The following RBFOX2 variants were observed in gnomAD, a reference collection of about 807,000 sequenced individuals.
RBFOX2 encodes RNA binding protein fox-1 homolog 2.
RBFOX2 carries 10 observed loss-of-function variants against 49.1 expected under a neutral mutation model. That is an observed-to-expected ratio of 0.20 (90% confidence interval 0.13 to 0.35). The LOEUF is 0.35. Among genes scored for constraint, RBFOX2 ranks in the 10% least tolerant of loss-of-function variants. The pLI is 1.00. For synonymous variants in RBFOX2, 183 were observed against 187.4 expected (o/e 0.98, Z 0.19); for missense variants, 323 against 486.9 (o/e 0.66, Z 3.17).
intron 2 of RBFOX2, among the ~76,000 whole-genome samples, chr22:35,791,260 T>C (rs1947564207): frequency 6.6e-6 from 1 of 150,570 alleles, no homozygotes; most frequent in Non-Finnish European, 1.5e-5. Context: ...TGGCGGGTGC[T>C]TGTAATCCCA....
At chr22:35,858,180 G>A (rs1429051990) in intron 1 of RBFOX2, among the ~76,000 whole-genome samples, 1 of 152,072 alleles carries the variant, frequency 6.6e-6, no homozygotes, top group Non-Finnish European at 1.5e-5. Flanking sequence ...ACTTTCTATT[G>A]GGATACTTGA....
intron 1 of RBFOX2, among the ~76,000 whole-genome samples, chr22:36,022,790 T>C (rs1330055707): frequency 6.6e-6 from 1 of 152,050 alleles, no homozygotes; most frequent in Admixed American, 6.6e-5. Flanking sequence ...GACCACTGAC[T>C]CTCTCTCCCC....
chr22:35,763,037 A>G (rs921075442), intron 6 of RBFOX2, among the ~76,000 whole-genome samples: 3 of 152,194 alleles, frequency 2.0e-5, no homozygotes, highest in African/African-American at 7.2e-5. Flanking sequence ...ACATCAAATT[A>G]CACAAATACT....
chr22:36,001,773 A>C (rs1185036690), intron 1 of RBFOX2, among the ~76,000 whole-genome samples: 1 of 151,518 alleles, frequency 6.6e-6, no homozygotes, highest in East Asian at 1.9e-4. Context: ...AGAAAAGAAA[A>C]ACAGGCCGGG....
chr22:35,931,512 C>T (rs931982435), intron 1 of RBFOX2, among the ~76,000 whole-genome samples: 3 of 152,014 alleles, frequency 2.0e-5, no homozygotes, highest in Admixed American at 6.6e-5. Context: ...TGGAAGCTTA[C>T]GGCTGTAATC....
At chr22:35,940,038 C>T (rs779331085), upstream of RBFOX2, among the ~76,000 whole-genome samples, 1 of 152,104 alleles carries the variant, frequency 6.6e-6, no homozygotes, top group Non-Finnish European at 1.5e-5. Context: ...AGCAGAACAG[C>T]GTAAAAGAAA....
chr22:35,956,382 G>T (rs2055560800), intron 1 of RBFOX2, among the ~76,000 whole-genome samples: 1 of 150,094 alleles, frequency 6.7e-6, no homozygotes, highest in Admixed American at 6.6e-5. Flanking sequence ...TTTTAATTAA[G>T]ACAGGGTCCT....
intron 1 of RBFOX2, among the ~76,000 whole-genome samples, chr22:36,017,844 A>T (rs1035772899): frequency 6.6e-6 from 1 of 152,208 alleles, no homozygotes; most frequent in Admixed American, 6.5e-5. Flanking sequence ...TGAACACAGG[A>T]AACTAAATAT....
chr22:35,871,914 T>G (rs2044400841), intron 1 of RBFOX2, among the ~76,000 whole-genome samples: 1 of 152,180 alleles, frequency 6.6e-6, no homozygotes, highest in African/African-American at 2.4e-5. Flanking sequence ...TAACATAAGG[T>G]CAGATTAAAC....
intron 1 of RBFOX2, among the ~76,000 whole-genome samples, chr22:35,914,489 T>C (rs543146709): frequency 9.2e-5 from 14 of 152,228 alleles, no homozygotes; most frequent in East Asian, 1.9e-4. Context: ...ACTGGCAGAA[T>C]TGGGGCTAAA....
chr22:35,852,880 T>A (rs947248208), intron 1 of RBFOX2, among the ~76,000 whole-genome samples: 1 of 152,214 alleles, frequency 6.6e-6, no homozygotes, highest in Non-Finnish European at 1.5e-5. Context: ...ACAACTGACA[T>A]AATTTAAGCA....
chr22:35,811,025 C>T (rs571430932), intron 1 of RBFOX2, among the ~76,000 whole-genome samples: 55 of 152,230 alleles, frequency 3.6e-4, no homozygotes, highest in African/African-American at 1.2e-3. Context: ...TACCTTGAAA[C>T]AAAAATTCAT....
intron 1 of RBFOX2, among the ~76,000 whole-genome samples, chr22:35,828,613 T>C (rs1956220930): frequency 1.3e-5 from 2 of 152,174 alleles, no homozygotes; most frequent in South Asian, 4.1e-4. Context: ...GTGCCAAGAA[T>C]AATCCTGTTC....
At chr22:35,986,637 C>A (rs900911251) in intron 1 of RBFOX2, among the ~76,000 whole-genome samples, 2 of 152,168 alleles carry the variant, frequency 1.3e-5, no homozygotes, top group Non-Finnish European at 2.9e-5. Flanking sequence ...AAGGCCTCCA[C>A]TGGATTAACA....
chr22:35,859,439 T>G (rs1331896730), intron 1 of RBFOX2, among the ~76,000 whole-genome samples: 1 of 152,200 alleles, frequency 6.6e-6, no homozygotes, highest in Non-Finnish European at 1.5e-5. Flanking sequence ...AAGAGTTCTA[T>G]TGATTCTAAG....
At chr22:35,777,753 T>C in intron 4 of RBFOX2, 2 of 396,934 alleles carry the variant, frequency 5.0e-6, no homozygotes, top group Non-Finnish European at 8.9e-6. Context: ...CATAAAGCAC[T>C]GTCATCTCCT....
At position 35,961,572 on chromosome 22, in the gene RBFOX2, G is replaced by T. The variant is rs988845828; in HGVS notation, c.33C>A (p.Asn11Lys). The change falls in exon 1 of 6, where the codon AAC (asparagine) becomes AAA (lysine). Residue 11 changes from asparagine (N) to lysine (K), a missense_variant. Coordinates refer to the RBFOX2 transcript ENST00000408983. ...CCAACTCCCCACCAACCTCACAGGG[G>T]TTCCTGGGCTGGTCCATGGAATCTG... The T allele has an allele frequency of 3.1e-6, 4 of 1,303,904 alleles. No individual in the cohort carries two copies. In the African/African-American group the frequency reaches 6.1e-5, roughly 20 times the overall value. The allele number at this position is 1,303,904 out of a possible 1,614,324, so 80.8% of individuals were successfully genotyped here.
chr22:36,006,069 G>A (rs758074027), intron 1 of RBFOX2, among the ~76,000 whole-genome samples: 1 of 152,148 alleles, frequency 6.6e-6, no homozygotes, highest in African/African-American at 2.4e-5. Context: ...TTAACAGAAC[G>A]AGCAATCAAA....
intron 1 of RBFOX2, among the ~76,000 whole-genome samples, chr22:35,869,800 T>C (rs2044147737): frequency 6.6e-6 from 1 of 152,238 alleles, no homozygotes; most frequent in South Asian, 2.1e-4. Context: ...AAGTGGAAAT[T>C]CTTTTAGTCA....
Sources: allele counts gnomAD v4.1 joint callset (sites outside exome capture counted in the v4.1 genomes callset), GRCh38; gene constraint gnomAD v4.1.1; transcripts MANE v1.5; gene names NCBI Gene and HGNC (gene_info 2026-07-23, HGNC 2026-07-21).